SYN3: variants seen among roughly 807,000 people sequenced by gnomAD.
The protein encoded by SYN3 is synapsin-3.
In SYN3, 35 loss-of-function variants were observed where a neutral mutation model predicts 65.8. The ratio of observed to expected loss-of-function variants is 0.53; its 90% confidence interval spans 0.41 to 0.70. The LOEUF (loss-of-function observed/expected upper bound fraction) is 0.70, where lower values mean the gene tolerates loss of function less well. Among genes scored for constraint, SYN3 ranks in the 30% least tolerant of loss-of-function variants. The pLI, the probability that SYN3 is intolerant of heterozygous loss-of-function variation, is 0.00. For missense variants in SYN3, 680 were observed against 749.0 expected, an observed-to-expected ratio of 0.91 and a Z score of 1.08; for synonymous variants, 270 against 292.9, an observed-to-expected ratio of 0.92 and a Z score of 0.80.
intron 7 of SYN3, among the ~76,000 whole-genome samples, chr22:32,544,772 C>T (rs910160497): frequency 1.3e-5 from 2 of 152,150 alleles, no homozygotes; most frequent in African/African-American, 2.4e-5. Context: ...ATCGGGTGAG[C>T]GTTTGCAGGG....
At chr22:32,658,879 C>T (rs1199249969) in intron 6 of SYN3, among the ~76,000 whole-genome samples, 1 of 152,118 alleles carries the variant, frequency 6.6e-6, no homozygotes, top group African/African-American at 2.4e-5. Flanking sequence ...TTATATGTAG[C>T]GATAATAACA....
intron 12 of SYN3, 174 bp downstream of exon 12, chr22:32,527,744 T>C (rs527972787): frequency 1.4e-5 from 8 of 575,700 alleles, no homozygotes; most frequent in African/African-American, 9.5e-5. Context: ...ATTTCCCTTC[T>C]CCTTTCTTGA....
chr22:32,748,906 T>C (rs768372719), intron 6 of SYN3, among the ~76,000 whole-genome samples: 67 of 152,154 alleles, frequency 4.4e-4, no homozygotes, highest in Non-Finnish European at 8.4e-4. Flanking sequence ...AAAACTCCAT[T>C]CTGGTGATAC....
At chr22:32,794,209 C>T (rs1308597616) in intron 6 of SYN3, among the ~76,000 whole-genome samples, 2 of 151,768 alleles carry the variant, frequency 1.3e-5, no homozygotes, top group Non-Finnish European at 2.9e-5. Flanking sequence ...GCCCTCAATC[C>T]CTGTATTCTG....
At chr22:32,817,189 G>A (rs1468776183) in intron 6 of SYN3, among the ~76,000 whole-genome samples, 1 of 151,798 alleles carries the variant, frequency 6.6e-6, no homozygotes, top group African/African-American at 2.4e-5. Context: ...CTGCACTCCA[G>A]CCAGGGTGAC....
chr22:32,994,463 A>G (rs1601864850), intron 2 of SYN3, among the ~76,000 whole-genome samples: 1 of 151,494 alleles, frequency 6.6e-6, no homozygotes, highest in Non-Finnish European at 1.5e-5. Flanking sequence ...TCCTATCTCC[A>G]CCCCCAGCCC....
chr22:32,990,039 A>G (rs1432423571), intron 2 of SYN3, among the ~76,000 whole-genome samples: 5 of 152,116 alleles, frequency 3.3e-5, no homozygotes, highest in African/African-American at 1.2e-4. Context: ...AACTGGGGAA[A>G]TCCCCACAGG....
At chr22:32,820,353 C>T (rs909518633) in intron 6 of SYN3, among the ~76,000 whole-genome samples, 18 of 141,782 alleles carry the variant, frequency 1.3e-4, no homozygotes, top group South Asian at 4.9e-4. Flanking sequence ...CATTCCACTG[C>T]GTGTGTGTGT....
At chr22:32,846,769 A>G (rs925860995) in intron 6 of SYN3, among the ~76,000 whole-genome samples, 4 of 152,270 alleles carry the variant, frequency 2.6e-5, no homozygotes, top group African/African-American at 4.8e-5. Context: ...CACTGGGCTA[A>G]GAAAGCCAGA....
intron 6 of SYN3, among the ~76,000 whole-genome samples, chr22:32,599,568 G>A (rs910466727): frequency 1.3e-5 from 2 of 152,134 alleles, no homozygotes; most frequent in South Asian, 4.2e-4. Context: ...TGATCCGCCC[G>A]CCTCAGCCTC....
At chr22:32,593,685 C>T (rs2146569849) in intron 7 of SYN3, among the ~76,000 whole-genome samples, 1 of 152,112 alleles carries the variant, frequency 6.6e-6, no homozygotes, top group South Asian at 2.1e-4. Flanking sequence ...CTGAGGTTTC[C>T]ATGGGAGACA....
At chr22:32,659,211 T>C (rs1382117203) in intron 6 of SYN3, among the ~76,000 whole-genome samples, 2 of 152,166 alleles carry the variant, frequency 1.3e-5, no homozygotes, top group Non-Finnish European at 2.9e-5. Context: ...AGGGAAGATA[T>C]TTAGATTTTA....
intron 4 of SYN3, among the ~76,000 whole-genome samples, chr22:32,929,482 C>T (rs546594729): frequency 1.3e-5 from 2 of 152,212 alleles, no homozygotes; most frequent in Non-Finnish European, 2.9e-5. Context: ...TCTTTGACTA[C>T]GTACTAGCTA....
intron 6 of SYN3, among the ~76,000 whole-genome samples, chr22:32,619,246 G>A (rs953093367): frequency 5.3e-5 from 8 of 152,154 alleles, no homozygotes; most frequent in Admixed American, 2.0e-4. Context: ...TGGCTAAGTC[G>A]CTTTACCACT....
At chr22:32,911,468 G>C (rs527987286) in intron 4 of SYN3, among the ~76,000 whole-genome samples, 85 of 152,260 alleles carry the variant, frequency 5.6e-4, no homozygotes, top group African/African-American at 2.0e-3. Context: ...GTTTGGTGGA[G>C]AGAGAATAAA....
intron 4 of SYN3, among the ~76,000 whole-genome samples, chr22:32,926,678 T>C (rs2050482088): frequency 6.6e-6 from 1 of 152,222 alleles, no homozygotes; most frequent in African/African-American, 2.4e-5. Context: ...ATGGAAAACA[T>C]TTAGATTTTT....
At chr22:32,563,903 A>T (rs376864655) in intron 7 of SYN3, among the ~76,000 whole-genome samples, 1 of 152,116 alleles carries the variant, frequency 6.6e-6, no homozygotes, top group East Asian at 1.9e-4. Context: ...TCCTGACCTC[A>T]GGTGGTCTGC....
At chr22:32,516,515 C>T (rs745416643) in intron 13 of SYN3, among the ~76,000 whole-genome samples, 9 of 152,190 alleles carry the variant, frequency 5.9e-5, no homozygotes, top group Admixed American at 1.3e-4. Context: ...AGGCGTGCAC[C>T]AGCACGCCCA....
intron 6 of SYN3, among the ~76,000 whole-genome samples, chr22:32,678,179 A>G (rs1372560718): frequency 6.6e-6 from 1 of 152,156 alleles, no homozygotes; most frequent in African/African-American, 2.4e-5. Flanking sequence ...GGGTGTTGTA[A>G]TGGTCACAGC....
Sources: allele counts gnomAD v4.1 joint callset (sites outside exome capture counted in the v4.1 genomes callset), GRCh38; gene constraint gnomAD v4.1.1; transcripts MANE v1.5; gene names NCBI Gene and HGNC (gene_info 2026-07-23, HGNC 2026-07-21).